BBS2: variants seen among roughly 807,000 people sequenced by gnomAD.
BBS2 encodes Bardet-Biedl syndrome 2.
In BBS2, 62 loss-of-function variants were observed where a neutral mutation model predicts 83.0. The observed-to-expected ratio is 0.75, with a 90% CI of 0.61 to 0.92. The LOEUF (loss-of-function observed/expected upper bound fraction) is 0.92. BBS2 is among the 40% of genes least tolerant of loss of function. The pLI, the probability that BBS2 is intolerant of heterozygous loss-of-function variation, is 0.00. For missense variants in BBS2, 784 were observed against 901.0 expected (o/e 0.87, Z 1.66); for synonymous variants, 303 against 326.1 (o/e 0.93, Z 0.76).
chr16:56,506,094 A>C, intron 6 of BBS2, 26 bp downstream of exon 6: 1 of 1,609,110 alleles, frequency 6.2e-7, no homozygotes, highest in Non-Finnish European at 8.5e-7. Flanking sequence ...CAAGCGCCTG[A>C]ATATCAAAGG....
At chr16:56,514,392 A>G in intron 2 of BBS2, 61 bp downstream of exon 2, 1 of 1,451,750 alleles carries the variant, frequency 6.9e-7, no homozygotes, top group Non-Finnish European at 9.7e-7. Flanking sequence ...ATCTCTTCTA[A>G]GCATAAAAAA....
At chr16:56,505,928 G>C in intron 7 of BBS2, 22 bp downstream of exon 7, 5 of 1,576,468 alleles carry the variant, frequency 3.2e-6, no homozygotes, top group Non-Finnish European at 3.5e-6. Context: ...AATTATACCT[G>C]AACTTTGCTA....
At chr16:56,475,483 T>C (rs774213733) in intron 17 of BBS2, 2 of 1,611,194 alleles carry the variant, frequency 1.2e-6, no homozygotes, top group South Asian at 1.1e-5. Context: ...GCTTTCTGAA[T>C]GCTGTTTGTT....
rs1351211010 is a variant in BBS2, at chr16:56,511,284, C to A, written c.346G>T (p.Val116Leu). 6.2e-7 allele frequency: 1 copy of A among 1,613,820 alleles called. No individual in the cohort carries two copies. ...YNNSDLFYREVADGANAIVLG... is the reference protein window; with the variant it reads ...YNNSDLFYRELADGANAIVLG... The stretch of plus-strand genomic sequence containing the variant: ...ACAATTGCATTTGCCCCATCTGCTA[C>A]CTAAGAAAAGTAAAAGGACACATTA... The change falls in exon 3 of 17, where the codon GTA becomes TTA. Residue 116 changes from valine (V) to leucine (L), a missense_variant and splice_region_variant. By Grantham distance (32) the Val-to-Leu change is conservative. Coordinates refer to ENST00000245157, the MANE Select transcript of BBS2 (RefSeq NM_031885.5).
chr16:56,502,578 T>G (rs1964306102), intron 8 of BBS2, 95 bp downstream of exon 8: 1 of 1,610,488 alleles, frequency 6.2e-7, no homozygotes, highest in Non-Finnish European at 8.5e-7. Context: ...AACTACAGGA[T>G]CTCGGTACAA....
chr16:56,480,865 A>G (rs1440303438), downstream of BBS2, among the ~76,000 whole-genome samples: 1 of 152,154 alleles, frequency 6.6e-6, no homozygotes, highest in Non-Finnish European at 1.5e-5. Flanking sequence ...TCAGTCCACA[A>G]AGACAATTTA....
chr16:56,480,763 G>A (rs905061770), downstream of BBS2, among the ~76,000 whole-genome samples: 57 of 152,182 alleles, frequency 3.7e-4, no homozygotes, highest in Non-Finnish European at 5.9e-4. Flanking sequence ...CTGTTGAAAA[G>A]GGTCGAGGAG....
chr16:56,470,527 T>G (rs774583609), exon 18 of BBS2: 11 of 1,613,844 alleles, frequency 6.8e-6, no homozygotes, highest in Non-Finnish European at 9.3e-6. Context: ...TCCTGAGATA[T>G]TGAAGGAGTG....
At position 56,497,763 on chromosome 16, in the gene BBS2, A is replaced by T; in HGVS notation, c.1777T>A (p.Leu593Ile). 1 of 1,613,500 alleles carries T rather than the reference A, an allele frequency of 6.2e-7. No individual in the cohort carries two copies. The highest frequency in any genetic ancestry group is 8.5e-7 in the Non-Finnish European group (1 of 1,179,886). The change falls in exon 14 of 17, where the codon TTA becomes ATA. Residue 593 changes from leucine to isoleucine, a missense_variant. By Grantham distance (5) the Leu-to-Ile change is conservative (BLOSUM62 2). Coordinates refer to ENST00000245157, the MANE Select transcript of BBS2 (RefSeq NM_031885.5). ...CTCACCTTAACTAGCACCTTTCGTA[A>T]TTCCTCAAAATAGACAGGAAAATCC... Reference protein sequence around the residue: ...EADFPVYFEELRKVLVKVDEY... With the variant: ...EADFPVYFEEIRKVLVKVDEY...
chr16:56,492,221 C>A (rs1290344420), intron 15 of BBS2, among the ~76,000 whole-genome samples: 1 of 152,116 alleles, frequency 6.6e-6, no homozygotes, highest in Non-Finnish European at 1.5e-5. Flanking sequence ...CCACGTTCAT[C>A]ACCACACTAT....
At chr16:56,475,607 A>C in intron 17 of BBS2, 1 of 1,575,478 alleles carries the variant, frequency 6.3e-7, no homozygotes, top group Non-Finnish European at 8.7e-7. Flanking sequence ...TTAGTTATTG[A>C]GAATGCTTTC....
chr16:56,472,614 G>A (rs751316236), intron 17 of BBS2, among the ~76,000 whole-genome samples: 12 of 151,986 alleles, frequency 7.9e-5, no homozygotes, highest in South Asian at 2.1e-4. Flanking sequence ...ATAAAAATAC[G>A]TCAATTTCAG....
intron 11 of BBS2, 36 bp downstream of exon 11, chr16:56,500,818 C>T (rs778317384): frequency 1.2e-6 from 2 of 1,609,582 alleles, no homozygotes; most frequent in South Asian, 2.2e-5. Context: ...CCTCTAAGTG[C>T]TGTCCTGAAA....
intron 2 of BBS2, among the ~76,000 whole-genome samples, chr16:56,514,072 G>A (rs1294992373): frequency 6.6e-6 from 1 of 152,172 alleles, no homozygotes; most frequent in Admixed American, 6.5e-5. Context: ...TATTAAAGTT[G>A]CAGCAGCCTG....
chr16:56,472,193 C>A (rs1039258362), intron 17 of BBS2, among the ~76,000 whole-genome samples: 1 of 151,628 alleles, frequency 6.6e-6, no homozygotes, highest in African/African-American at 2.4e-5. Context: ...TGGTCTCAAA[C>A]CCCTAGGCTC....
At chr16:56,476,389 T>A in intron 17 of BBS2, 1 of 397,352 alleles carries the variant, frequency 2.5e-6, no homozygotes, top group East Asian at 3.8e-5. Context: ...TGCAGCTAAG[T>A]ACTTATCTCT....
At chr16:56,506,627 A>G (rs1964430135) in intron 5 of BBS2, among the ~76,000 whole-genome samples, 1 of 152,218 alleles carries the variant, frequency 6.6e-6, no homozygotes, top group South Asian at 2.1e-4. Flanking sequence ...AACATCCTAC[A>G]GTCTCAATTT....
chr16:56,483,767 C>G (rs1466554930), downstream of BBS2, among the ~76,000 whole-genome samples: 2 of 151,134 alleles, frequency 1.3e-5, no homozygotes, highest in Non-Finnish European at 2.9e-5. Flanking sequence ...GTGGTGCAAT[C>G]TTGCTCACTG....
At chr16:56,474,845 T>G (rs142574623) in intron 17 of BBS2, 12 of 1,612,200 alleles carry the variant, frequency 7.4e-6, no homozygotes, top group African/African-American at 2.7e-5. Context: ...TGTTCCCATG[T>G]GCCAAGGGGA....
Sources: gnomAD v4.1 joint callset for allele counts (sites outside exome capture counted in the v4.1 genomes callset) on GRCh38, gnomAD v4.1.1 for gene constraint, MANE v1.5 for transcripts, NCBI Gene and HGNC (gene_info 2026-07-23, HGNC 2026-07-21) for gene names.